WDR89: variants seen among roughly 807,000 people sequenced by gnomAD.
WDR89 encodes the protein WD repeat domain 89, also known as WD repeat-containing protein 89.
WDR89 carries 17 observed loss-of-function variants against 29.1 expected under a neutral mutation model. The observed-to-expected ratio is 0.58, with a 90% confidence interval of 0.40 to 0.88. WDR89 has a LOEUF of 0.88. Among genes scored for constraint, WDR89 ranks in the 40% least tolerant of loss-of-function variants. The pLI is 0.00. For synonymous variants in WDR89, 138 were observed against 157.8 expected, an observed-to-expected ratio of 0.87 and a Z score of 0.94; for missense variants, 396 against 456.3, an observed-to-expected ratio of 0.87 and a Z score of 1.20.
intron 1 of WDR89, among the ~76,000 whole-genome samples, chr14:63,626,402 G>A (rs558826982): frequency 6.6e-6 from 1 of 152,096 alleles, no homozygotes; most frequent in Admixed American, 6.6e-5. Context: ...CGGGCGTGGT[G>A]CCTAATGCCT....
At chr14:63,610,219 T>TAAAAAAA (rs56984803) in intron 2 of WDR89, among the ~76,000 whole-genome samples, 12 of 65,302 alleles carry the variant, frequency 1.8e-4, no homozygotes, top group East Asian at 1.0e-3. Flanking sequence ...GACTCTGTCT[T>TAAAAAAA]AAAAAAAAAA....
At chr14:63,621,692 C>G (rs1882704897) in intron 2 of WDR89, 1 of 152,138 alleles carries the variant, frequency 6.6e-6, no homozygotes, top group South Asian at 2.1e-4. Context: ...ACAGAAAAAC[C>G]TACCAACACA....
chr14:63,616,544 T>C (rs1837813526), intron 2 of WDR89, among the ~76,000 whole-genome samples: 1 of 152,140 alleles, frequency 6.6e-6, no homozygotes, highest in South Asian at 2.1e-4. Context: ...TGAGGTGACA[T>C]TTGAGCTGAG....
chr14:63,608,166 G>A (rs1475830885), intron 2 of WDR89, among the ~76,000 whole-genome samples: 2 of 151,966 alleles, frequency 1.3e-5, no homozygotes, highest in South Asian at 2.1e-4. Flanking sequence ...AGATTGTACC[G>A]TTGAACTCCA....
At chr14:63,617,019 T>C (rs1049061997) in intron 2 of WDR89, among the ~76,000 whole-genome samples, 58 of 151,278 alleles carry the variant, frequency 3.8e-4, no homozygotes, top group African/African-American at 1.4e-3. Flanking sequence ...CCTAGGTTTC[T>C]GGCTTAAGCA....
intron 1 of WDR89, among the ~76,000 whole-genome samples, chr14:63,639,495 G>A (rs539681681): frequency 5.3e-5 from 8 of 150,602 alleles, no homozygotes; most frequent in South Asian, 2.1e-4. Context: ...TGTGTTATTC[G>A]AAGTCACTAA....
chr14:63,600,855 G>C (rs1157972730), intron 2 of WDR89, among the ~76,000 whole-genome samples: 1 of 150,314 alleles, frequency 6.7e-6, no homozygotes, highest in Non-Finnish European at 1.5e-5. Context: ...TTGCTTATCA[G>C]CCTAATATAA....
intron 1 of WDR89, among the ~76,000 whole-genome samples, chr14:63,625,464 T>C (rs1261553263): frequency 6.6e-6 from 1 of 150,668 alleles, no homozygotes; most frequent in Non-Finnish European, 1.5e-5. Context: ...CTTACAAAGT[T>C]TAAAAAGGTA....
intron 2 of WDR89, among the ~76,000 whole-genome samples, chr14:63,622,508 G>C (rs894177827): frequency 3.9e-5 from 6 of 152,194 alleles, no homozygotes; most frequent in Non-Finnish European, 8.8e-5. Flanking sequence ...TTGAACCCAG[G>C]GGGTGGAGGT....
At chr14:63,609,996 G>A (rs1381117581) in intron 2 of WDR89, among the ~76,000 whole-genome samples, 1 of 151,196 alleles carries the variant, frequency 6.6e-6, no homozygotes, top group Non-Finnish European at 1.5e-5. Context: ...AGTTTAAAAG[G>A]AAAAACAAAA....
At chr14:63,633,095 T>C (rs1883513066) in intron 1 of WDR89, among the ~76,000 whole-genome samples, 1 of 152,140 alleles carries the variant, frequency 6.6e-6, no homozygotes. Context: ...AAATGGTGCC[T>C]GGCACAAAAG....
Position 63,638,526 on chromosome 14 carries a change from A to G in WDR89, c.-138+3278T>C, listed in dbSNP as rs186841398. On this transcript the variant is annotated intron_variant, in intron 1 of 2. Transcript: ENST00000620954. ...TAATTCAAAACAGCATCAACCATGA[A>G]CATATAAAACTGAATGCAAAAGTCA... is the stretch of plus-strand genomic sequence containing the variant. Among the ~76,000 whole-genome samples the G allele has an allele frequency of 4.2e-3, 647 of 152,394 alleles. 4 individuals are homozygous for G. Among genetic ancestry groups the G allele is most frequent in the African/African-American group, 0.015 (614 of 41,608 alleles).
rs1273603864 is a variant in WDR89, at chr14:63,598,356, G to C, written c.*423C>G. 1 of 154,344 alleles carries C rather than the reference G, an allele frequency of 6.5e-6. No individual in the cohort carries two copies. Among genetic ancestry groups the C allele is most frequent in the African/African-American group, 2.4e-5 (1 of 41,494 alleles). 9.6% of individuals were successfully genotyped at this position (154,344 alleles called of 1,614,324 possible). A position where few individuals can be genotyped will look rare whatever the true frequency, so the allele number is the denominator to read the frequency against. On this transcript the variant is annotated 3_prime_UTR_variant, in exon 3 of 3. Transcript: ENST00000620954. Reference sequence around the variant, plus strand: ...ATACATTAGGTGTATTAAACATATAGATGCTCCTCAGATGAAGAATATAGT... The same window carrying C: ...ATACATTAGGTGTATTAAACATATACATGCTCCTCAGATGAAGAATATAGT...
rs200165085 is a variant in WDR89 at position 63,623,560 on chromosome 14, C to T, written c.-32+1368G>A. Among the ~76,000 whole-genome samples, 40 of 151,676 alleles carry T rather than the reference C, an allele frequency of 2.6e-4. No homozygotes were observed. The East Asian group carries it at 7.0e-3, about 26-fold the overall frequency. On this transcript the variant is annotated intron_variant, in intron 2 of 2. Coordinates refer to ENST00000620954, the MANE Select transcript of WDR89 (RefSeq NM_080666.4). The stretch of plus-strand genomic sequence containing the variant: ...CTCCACTAAAATTACAAAAATTAGC[C>T]GAGTGTGGTGGCATGTGCCTGTCAT...
At chr14:63,625,937 T>C (rs113057483) in intron 1 of WDR89, among the ~76,000 whole-genome samples, 2,035 of 150,986 alleles carry the variant, frequency 0.013, 54 homozygotes, top group African/African-American at 0.047. Context: ...CACTGCAACC[T>C]CTGCCTCCCG....
chr14:63,619,732 C>T (rs954597911), intron 2 of WDR89, among the ~76,000 whole-genome samples: 1 of 152,108 alleles, frequency 6.6e-6, no homozygotes, highest in Non-Finnish European at 1.5e-5. Flanking sequence ...AGGCTGGGCA[C>T]CGTGGCTTAC....
At position 63,626,028 on chromosome 14, in the gene WDR89, A is replaced by T. The variant is rs1384681009; in HGVS notation, c.-137-995T>A. 2.0e-5 allele frequency among the ~76,000 whole-genome samples: 3 copies of T among 151,996 alleles called. No individual in the cohort carries two copies. The East Asian group carries it at 5.8e-4, about 30-fold the overall frequency. Reference sequence around the variant, plus strand: ...ACTGCCACACCCAGCTAATTTTTGTATCTTTAGTAGAGATGGGGTTTCACC... The same window carrying T: ...ACTGCCACACCCAGCTAATTTTTGTTTCTTTAGTAGAGATGGGGTTTCACC... On this transcript the variant is annotated intron_variant, in intron 1 of 2. Coordinates refer to ENST00000620954, the MANE Select transcript of WDR89 (RefSeq NM_080666.4).
At chr14:63,601,716 G>A in intron 2 of WDR89, 1 of 1,572,802 alleles carries the variant, frequency 6.4e-7, no homozygotes, top group Non-Finnish European at 8.7e-7. Context: ...TGGAGATAAA[G>A]TTCTTCTCCC....
chr14:63,624,344 A>G (rs905831672), intron 2 of WDR89, among the ~76,000 whole-genome samples: 2 of 151,682 alleles, frequency 1.3e-5, no homozygotes, highest in Non-Finnish European at 2.9e-5. Context: ...GCGCATGCCT[A>G]TAGTCCCAGC....
Sources: gnomAD v4.1 joint callset for allele counts (sites outside exome capture counted in the v4.1 genomes callset) on GRCh38, gnomAD v4.1.1 for gene constraint, MANE v1.5 for transcripts, NCBI Gene and HGNC (gene_info 2026-07-23, HGNC 2026-07-21) for gene names.